SLC49A4: variants seen among roughly 807,000 people sequenced by gnomAD.
SLC49A4 encodes disrupted in renal cancer protein 2.
SLC49A4 carries 36 observed loss-of-function variants against 50.6 expected under a neutral mutation model. The ratio of observed to expected loss-of-function variants is 0.71; its 90% CI spans 0.55 to 0.94. SLC49A4 has a LOEUF of 0.94. Ranked by LOEUF, SLC49A4 falls within the 40% of genes least tolerant of loss-of-function variation. The pLI is 0.00. For synonymous variants in SLC49A4, 248 were observed against 241.2 expected (o/e 1.03, Z -0.26); for missense variants, 503 against 605.7 (o/e 0.83, Z 1.78).
rs75611702 is a variant in SLC49A4 at position 122,858,002 on chromosome 3, C to A, written c.1010+1628C>A. ...AAGTTCTAAAAAAATACTACCCTTA[C>A]TCTGGGATCTGAAGTCAATTTCAGT... is the stretch of plus-strand genomic sequence containing the variant. On this transcript the variant is annotated intron_variant, in intron 6 of 8. Coordinates refer to ENST00000261038, the MANE Select transcript of SLC49A4 (RefSeq NM_032839.3). Among the ~76,000 whole-genome samples the A allele has an allele frequency of 2.7e-3, 409 of 152,232 alleles. 2 individuals are homozygous for A. The highest frequency in any genetic ancestry group is 8.7e-3 in the African/African-American group (362 of 41,532).
intron 5 of SLC49A4, among the ~76,000 whole-genome samples, chr3:122,848,055 G>T (rs190161376): frequency 6.6e-6 from 1 of 152,334 alleles, no homozygotes; most frequent in Admixed American, 6.5e-5. Flanking sequence ...CTACCATGTT[G>T]CACGGTGTAG....
intron 2 of SLC49A4, among the ~76,000 whole-genome samples, chr3:122,824,033 G>T (rs1417292147): frequency 2.0e-5 from 3 of 152,194 alleles, no homozygotes; most frequent in Non-Finnish European, 4.4e-5. Flanking sequence ...ACTACAAAGT[G>T]CTGGGAGGAG....
At chr3:122,875,374 A>G (rs576416406) in intron 8 of SLC49A4, among the ~76,000 whole-genome samples, 1 of 152,224 alleles carries the variant, frequency 6.6e-6, no homozygotes, top group South Asian at 2.1e-4. Flanking sequence ...TGGGGGAGAC[A>G]GGGTCTTGCT....
intron 6 of SLC49A4, among the ~76,000 whole-genome samples, chr3:122,858,459 G>A (rs898415496): frequency 3.9e-5 from 6 of 152,152 alleles, no homozygotes; most frequent in African/African-American, 1.4e-4. Flanking sequence ...ATTTTGTAAA[G>A]CTGTGGAAAC....
chr3:122,847,068 C>T (rs1200774830), intron 5 of SLC49A4, among the ~76,000 whole-genome samples: 1 of 152,294 alleles, frequency 6.6e-6, no homozygotes, highest in South Asian at 2.1e-4. Context: ...GGTAACACCT[C>T]ATTCACACTT....
At chr3:122,860,228 T>G (rs368329447) in intron 7 of SLC49A4, 26 bp downstream of exon 7, 3 of 1,556,444 alleles carry the variant, frequency 1.9e-6, no homozygotes, top group Non-Finnish European at 2.6e-6. Context: ...TTTTGAACTT[T>G]TAATAAATAT....
intron 7 of SLC49A4, among the ~76,000 whole-genome samples, chr3:122,869,854 G>A (rs1474954826): frequency 6.6e-6 from 1 of 152,164 alleles, no homozygotes; most frequent in Non-Finnish European, 1.5e-5. Flanking sequence ...TTTTCAGACA[G>A]CCCGCTGCTT....
chr3:122,832,851 A>G (rs947220459), intron 3 of SLC49A4, among the ~76,000 whole-genome samples: 3 of 152,114 alleles, frequency 2.0e-5, no homozygotes, highest in Non-Finnish European at 4.4e-5. Context: ...AGACTGAGCA[A>G]TCTTGGCTAG....
At chr3:122,856,424 C>A in intron 6 of SLC49A4, 50 bp downstream of exon 6, 1 of 1,530,426 alleles carries the variant, frequency 6.5e-7, no homozygotes, top group Non-Finnish European at 9.0e-7. Flanking sequence ...GGGGAAAAAG[C>A]CTAAAGATAA....
chr3:122,842,418 G>A (rs1177188672), intron 4 of SLC49A4, among the ~76,000 whole-genome samples: 1 of 148,730 alleles, frequency 6.7e-6, no homozygotes, highest in Non-Finnish European at 1.5e-5. Context: ...CCCGGGAGGC[G>A]GAGCTTGCAG....
intron 3 of SLC49A4, among the ~76,000 whole-genome samples, chr3:122,832,861 G>C (rs183664564): frequency 2.6e-5 from 4 of 152,190 alleles, no homozygotes; most frequent in East Asian, 3.9e-4. Flanking sequence ...ATCTTGGCTA[G>C]ATACTATATT....
At chr3:122,837,248 T>C (rs1358627064) in intron 4 of SLC49A4, among the ~76,000 whole-genome samples, 3 of 152,116 alleles carry the variant, frequency 2.0e-5, no homozygotes, top group African/African-American at 7.2e-5. Flanking sequence ...GAGCCCGCAA[T>C]GCCCAGTCAA....
intron 1 of SLC49A4, among the ~76,000 whole-genome samples, chr3:122,805,854 G>A (rs1936210193): frequency 6.6e-6 from 1 of 152,076 alleles, no homozygotes; most frequent in Non-Finnish European, 1.5e-5. Flanking sequence ...AGTAATTGTT[G>A]TGTTTGGAAT....
At chr3:122,843,655 AT>A (rs1193193492) in intron 4 of SLC49A4, among the ~76,000 whole-genome samples, 1 of 152,166 alleles carries the variant, frequency 6.6e-6, no homozygotes, top group African/African-American at 2.4e-5. Flanking sequence ...GTTTCTTATA[AT>A]TTAATTGTTG....
At chr3:122,879,163 T>C (rs1937302365) in intron 8 of SLC49A4, 100 bp from the exon 9 acceptor site, 1 of 819,626 alleles carries the variant, frequency 1.2e-6, no homozygotes, top group Non-Finnish European at 2.0e-6. Context: ...ACATTTATTA[T>C]AAGTACTTTT....
At chr3:122,860,375 C>G (rs1048613344) in intron 7 of SLC49A4, among the ~76,000 whole-genome samples, 173 bp downstream of exon 7, 7 of 152,070 alleles carry the variant, frequency 4.6e-5, no homozygotes, top group Non-Finnish European at 7.4e-5. Flanking sequence ...CAAAAAATAA[C>G]TAAAAATATT....
rs1305760543 is a variant in SLC49A4, at chr3:122,795,096, A to C, written c.-97A>C. ...TCCGGAGGCCGAGGGCGACCACAGCAGCCTCCGCCTCCTGCTGCTCAGGAC... is the reference window on the plus strand; with the variant it reads ...TCCGGAGGCCGAGGGCGACCACAGCCGCCTCCGCCTCCTGCTGCTCAGGAC... On this transcript the variant is annotated 5_prime_UTR_variant, in exon 1 of 9. Transcript: ENST00000261038. 5 of 1,211,472 alleles carry C rather than the reference A, an allele frequency of 4.1e-6. No homozygotes were observed. The highest frequency in any genetic ancestry group is 5.1e-6 in the Non-Finnish European group (5 of 971,560). The allele number at this position is 1,211,472 out of a possible 1,614,324, so 75.0% of individuals were successfully genotyped here.
intron 1 of SLC49A4, among the ~76,000 whole-genome samples, chr3:122,798,060 A>G (rs192724515): frequency 6.6e-6 from 1 of 152,342 alleles, no homozygotes; most frequent in East Asian, 1.9e-4. Flanking sequence ...AAAAGAAAAA[A>G]GATTGTATTT....
At chr3:122,862,015 C>T (rs1576309752) in intron 7 of SLC49A4, among the ~76,000 whole-genome samples, 1 of 152,170 alleles carries the variant, frequency 6.6e-6, no homozygotes, top group South Asian at 2.1e-4. Flanking sequence ...AAGTACCACA[C>T]AAAAATTAGT....
Sources: gnomAD v4.1 joint callset for allele counts (sites outside exome capture counted in the v4.1 genomes callset) on GRCh38, gnomAD v4.1.1 for gene constraint, MANE v1.5 for transcripts, NCBI Gene and HGNC (gene_info 2026-07-23, HGNC 2026-07-21) for gene names.